TLN2: variants seen among roughly 807,000 people sequenced by gnomAD.
TLN2 encodes talin-2.
In TLN2, 118 loss-of-function variants were observed where a neutral mutation model predicts 294.7. The observed-to-expected ratio is 0.40, with a 90% CI of 0.34 to 0.47. The LOEUF (loss-of-function observed/expected upper bound fraction) is 0.47. TLN2 is among the 20% of genes least tolerant of loss of function. The pLI, the probability that TLN2 is intolerant of heterozygous loss-of-function variation, is 0.84. For missense variants in TLN2, 3,083 were observed against 3,282.2 expected, an observed-to-expected ratio of 0.94 and a Z score of 1.48; for synonymous variants, 1,431 against 1,304.5, an observed-to-expected ratio of 1.10 and a Z score of -2.09.
chr15:62,695,739 G>C (rs2058283246), intron 14 of TLN2, among the ~76,000 whole-genome samples: 1 of 152,186 alleles, frequency 6.6e-6, no homozygotes, highest in African/African-American at 2.4e-5. Flanking sequence ...TAAGTTTCTA[G>C]TACTTGCCAC....
chr15:62,577,287 T>C (rs1346860520), intron 1 of TLN2, among the ~76,000 whole-genome samples: 2 of 151,830 alleles, frequency 1.3e-5, no homozygotes, highest in African/African-American at 2.4e-5. Flanking sequence ...CTACTAAAAA[T>C]ACAAAATTAG....
intron 28 of TLN2, among the ~76,000 whole-genome samples, chr15:62,733,405 C>T (rs564080203): frequency 1.2e-4 from 19 of 152,254 alleles, no homozygotes; most frequent in African/African-American, 4.6e-4. Flanking sequence ...TTTCCTTGTC[C>T]ATAATTGAGG....
At chr15:62,492,543 CAAAA>C (rs35935035) in intron 1 of TLN2, among the ~76,000 whole-genome samples, 2 of 84,638 alleles carry the variant, frequency 2.4e-5, no homozygotes, top group Non-Finnish European at 5.3e-5. Context: ...GACTCTGTCT[CAAAA>C]AAAAAAAAAA....
chr15:62,560,707 C>T (rs548787538), intron 1 of TLN2, among the ~76,000 whole-genome samples: 55 of 152,360 alleles, frequency 3.6e-4, no homozygotes, highest in Non-Finnish European at 6.3e-4. Context: ...AGTATGTCTT[C>T]ACCTGTCTGG....
At chr15:62,587,273 G>A (rs114425741) in intron 1 of TLN2, among the ~76,000 whole-genome samples, 83 of 152,310 alleles carry the variant, frequency 5.4e-4, no homozygotes, top group African/African-American at 1.9e-3. Flanking sequence ...ACTTCAACAC[G>A]AGATTTTAAA....
intron 35 of TLN2, among the ~76,000 whole-genome samples, chr15:62,752,950 G>A (rs959415733): frequency 6.6e-6 from 1 of 152,022 alleles, no homozygotes; most frequent in Non-Finnish European, 1.5e-5. Flanking sequence ...ACTTTAAAGC[G>A]TTCATCATTT....
chr15:62,598,694 A>G (rs1029259523), intron 2 of TLN2, among the ~76,000 whole-genome samples: 2 of 151,942 alleles, frequency 1.3e-5, no homozygotes, highest in African/African-American at 4.8e-5. Context: ...AAGGAAATTT[A>G]GAAAGATAAT....
intron 1 of TLN2, chr15:62,561,405 C>A (rs535544544): frequency 3.9e-5 from 6 of 152,234 alleles, no homozygotes; most frequent in Non-Finnish European, 5.9e-5. Flanking sequence ...CTAACGCCTT[C>A]GCGAGAGGAG....
At chr15:62,822,472 GT>G (rs2067654846) in intron 54 of TLN2, among the ~76,000 whole-genome samples, 1 of 152,228 alleles carries the variant, frequency 6.6e-6, no homozygotes, top group South Asian at 2.1e-4. Context: ...CTTTATGGGA[GT>G]CACTCATCTG....
At chr15:62,766,200 C>T (rs967733114) in intron 40 of TLN2, 121 bp from the exon 41 acceptor site, 25 of 748,956 alleles carry the variant, frequency 3.3e-5, no homozygotes, top group Middle Eastern at 3.8e-4. Flanking sequence ...ATGGCACACA[C>T]GCAGGCATTC....
At chr15:62,800,569 A>G (rs2065866300) in intron 49 of TLN2, 76 bp downstream of exon 49, 5 of 1,609,514 alleles carry the variant, frequency 3.1e-6, no homozygotes, top group Non-Finnish European at 4.2e-6. Context: ...GTCCTTGCTC[A>G]TAGCATGCGA....
chr15:62,707,065 T>G (rs768230518), intron 19 of TLN2, 21 bp from the exon 20 acceptor site: 4 of 1,593,918 alleles, frequency 2.5e-6, no homozygotes, highest in Admixed American at 1.7e-5. Context: ...AAATGAATAG[T>G]CTTTGATTCC....
At chr15:62,404,801 C>T (rs1012527025) in intron 1 of TLN2, among the ~76,000 whole-genome samples, 2 of 152,126 alleles carry the variant, frequency 1.3e-5, no homozygotes, top group African/African-American at 2.4e-5. Context: ...CTGGACTCAA[C>T]ACCTGTCACT....
rs1041800239 is a variant in TLN2, at chr15:62,698,627, G to A, written c.1474-127G>A. The A allele has an allele frequency of 4.4e-5, 30 of 674,442 alleles. 1 individual carries two copies. The highest frequency in any genetic ancestry group is 1.8e-4 in the South Asian group (10 of 56,276). The allele number at this position is 674,442 out of a possible 1,614,324, so 41.8% of individuals were successfully genotyped here. On this transcript the variant is annotated intron_variant, in intron 15 of 58. Transcript: ENST00000636159. ...GGTTGAAATGGGAGATGGTTGAGGC[G>A]CTTGTTGAGATGTAGCCTGGGCTGC...
chr15:62,467,524 C>G (rs1473603542), intron 1 of TLN2, among the ~76,000 whole-genome samples: 2 of 152,056 alleles, frequency 1.3e-5, no homozygotes, highest in Non-Finnish European at 2.9e-5. Flanking sequence ...AAAACCTCGT[C>G]TCTACTAAAA....
intron 11 of TLN2, among the ~76,000 whole-genome samples, chr15:62,684,555 A>G (rs1462854468): frequency 6.6e-6 from 1 of 152,108 alleles, no homozygotes; most frequent in Non-Finnish European, 1.5e-5. Context: ...TCCTCATACC[A>G]TGGTGTCCTC....
chr15:62,670,190 C>T (rs116717074), intron 9 of TLN2, among the ~76,000 whole-genome samples: 9 of 152,304 alleles, frequency 5.9e-5, no homozygotes, highest in African/African-American at 1.9e-4. Flanking sequence ...TTAACCTTAA[C>T]CACGTCTCTG....
intron 19 of TLN2, among the ~76,000 whole-genome samples, chr15:62,706,531 G>T (rs1421180529): frequency 3.9e-5 from 6 of 152,238 alleles, no homozygotes. Context: ...TATAGGTATT[G>T]GTGCCAGCTA....
intron 44 of TLN2, among the ~76,000 whole-genome samples, chr15:62,782,023 A>G (rs1450088473): frequency 6.6e-6 from 1 of 152,248 alleles, no homozygotes; most frequent in Non-Finnish European, 1.5e-5. Context: ...AAAGGCTCAG[A>G]TGCCATAAGA....
Sources: allele counts gnomAD v4.1 joint callset (sites outside exome capture counted in the v4.1 genomes callset), GRCh38; gene constraint gnomAD v4.1.1; transcripts MANE v1.5; gene names NCBI Gene and HGNC (gene_info 2026-07-23, HGNC 2026-07-21).